The following SVOPL variants were observed in gnomAD, a reference collection of about 807,000 sequenced individuals.
The protein encoded by SVOPL is SVOP like, also known as putative transporter SVOPL.
Under a neutral mutation model 61.0 loss-of-function variants are expected in SVOPL, and 60 were observed. That is an observed-to-expected ratio of 0.98 (90% CI 0.80 to 1.22). The LOEUF is 1.22. SVOPL is among the 50% of genes most tolerant of loss of function. The pLI, the probability that SVOPL is intolerant of heterozygous loss-of-function variation, is 0.00. For missense variants in SVOPL, 662 were observed against 643.9 expected, an observed-to-expected ratio of 1.03 and a Z score of -0.30; for synonymous variants, 279 against 250.0, an observed-to-expected ratio of 1.12 and a Z score of -1.09.
At chr7:138,598,109 C>T (rs550952106) in intron 14 of SVOPL, among the ~76,000 whole-genome samples, 2 of 152,156 alleles carry the variant, frequency 1.3e-5, no homozygotes, top group South Asian at 4.2e-4. Context: ...TGAGTAATAC[C>T]TGATTATAAA....
chr7:138,680,831 G>A (rs1370302019), intron 1 of SVOPL, among the ~76,000 whole-genome samples: 1 of 152,016 alleles, frequency 6.6e-6, no homozygotes, highest in Non-Finnish European at 1.5e-5. Flanking sequence ...CGCCCGCATC[G>A]GCCTCCCAAA....
chr7:138,637,983 A>T (rs1800578968), intron 9 of SVOPL, among the ~76,000 whole-genome samples: 1 of 151,964 alleles, frequency 6.6e-6, no homozygotes. Context: ...ATAAAAAATA[A>T]AACAAATTGG....
chr7:138,607,919 AAATC>A (rs1798826541), intron 14 of SVOPL, among the ~76,000 whole-genome samples: 1 of 152,250 alleles, frequency 6.6e-6, no homozygotes, highest in Non-Finnish European at 1.5e-5. Flanking sequence ...GGTTGTTTAA[AAATC>A]AATATTAAAA....
chr7:138,628,560 C>G (rs1393958205), intron 10 of SVOPL, among the ~76,000 whole-genome samples, 197 bp from the exon 11 acceptor site: 1 of 152,174 alleles, frequency 6.6e-6, no homozygotes, highest in Non-Finnish European at 1.5e-5. Flanking sequence ...CGGGTGTAAA[C>G]CTAGGAGCAG....
At chr7:138,637,497 T>G (rs1482171302) in intron 9 of SVOPL, among the ~76,000 whole-genome samples, 12 of 21,304 alleles carry the variant, frequency 5.6e-4, no homozygotes, top group Non-Finnish European at 9.6e-4. Context: ...GATAGATATA[T>G]ATATATATAT....
chr7:138,614,851 CT>C (rs1195415874), intron 14 of SVOPL, among the ~76,000 whole-genome samples: 3 of 152,172 alleles, frequency 2.0e-5, no homozygotes, highest in Non-Finnish European at 4.4e-5. Context: ...ACTGACATCT[CT>C]TTGAGGAGAT....
chr7:138,639,147 T>TG (rs1426970272), intron 9 of SVOPL, among the ~76,000 whole-genome samples: 19 of 152,060 alleles, frequency 1.2e-4, no homozygotes, highest in African/African-American at 4.1e-4. Flanking sequence ...CCCAGCTACT[T>TG]GGGGGGCTGA....
chr7:138,660,236 G>A, intron 5 of SVOPL: 1 of 1,195,882 alleles, frequency 8.4e-7, no homozygotes, highest in Non-Finnish European at 1.0e-6. Context: ...CACCCTCATG[G>A]GTGGCAGGTC....
intron 13 of SVOPL, among the ~76,000 whole-genome samples, chr7:138,622,936 T>A (rs117025622): frequency 0.038 from 5,797 of 152,308 alleles, 139 homozygotes; most frequent in Middle Eastern, 0.11. Context: ...TCTCAAAATG[T>A]TGGAACATTT....
At chr7:138,694,218 T>A (rs1400893691) in intron 1 of SVOPL, among the ~76,000 whole-genome samples, 2 of 152,206 alleles carry the variant, frequency 1.3e-5, no homozygotes, top group Admixed American at 1.3e-4. Context: ...ACGATATAGG[T>A]GGGCATAAGG....
chr7:138,668,175 C>T (rs1174419496), intron 4 of SVOPL, among the ~76,000 whole-genome samples: 2 of 152,068 alleles, frequency 1.3e-5, no homozygotes, highest in African/African-American at 4.8e-5. Context: ...AGGAAAGCGT[C>T]AATTCCCTAC....
chr7:138,682,111 A>G (rs1228803668), intron 1 of SVOPL, among the ~76,000 whole-genome samples: 2 of 152,246 alleles, frequency 1.3e-5, no homozygotes, highest in African/African-American at 4.8e-5. Context: ...TTATTTGTGA[A>G]TAATAAAGCT....
intron 3 of SVOPL, among the ~76,000 whole-genome samples, chr7:138,673,473 A>G (rs561705344): frequency 3.9e-5 from 6 of 152,152 alleles, no homozygotes; most frequent in African/African-American, 1.2e-4. Flanking sequence ...CCTGGCCAAC[A>G]TGGCAAAACC....
At chr7:138,600,311 T>C (rs920928137) in intron 14 of SVOPL, among the ~76,000 whole-genome samples, 2 of 152,212 alleles carry the variant, frequency 1.3e-5, no homozygotes, top group African/African-American at 2.4e-5. Context: ...AAACTTGCTA[T>C]CCCTGGCCAG....
chr7:138,597,145 A>G (rs78993339), intron 14 of SVOPL: 1 of 1,285,996 alleles, frequency 7.8e-7, no homozygotes, highest in South Asian at 1.3e-5. Context: ...TAATTCAGAT[A>G]CTCCATCTCA....
chr7:138,680,688 C>T (rs932439635), intron 1 of SVOPL, among the ~76,000 whole-genome samples: 2 of 152,058 alleles, frequency 1.3e-5, no homozygotes, highest in Admixed American at 6.6e-5. Flanking sequence ...ATGCCATTCT[C>T]CTGCCTCAGC....
chr7:138,635,631 G>A (rs1252796273), intron 9 of SVOPL, among the ~76,000 whole-genome samples: 1 of 152,078 alleles, frequency 6.6e-6, no homozygotes, highest in Non-Finnish European at 1.5e-5. Context: ...TAAGGAGCTG[G>A]GATGTAGGCA....
In SVOPL at chr7:138,622,241, T is replaced by A. The variant is rs1484063948; in HGVS notation, c.1264-1106A>T. Reference sequence around the variant, plus strand: ...ATCTATGTATCTATCTATGTATCTATCTATCTATCTATGTATCTATCTATC... The same window carrying A: ...ATCTATGTATCTATCTATGTATCTAACTATCTATCTATGTATCTATCTATC... On this transcript the variant is annotated intron_variant, in intron 13 of 15. Transcript: ENST00000674285. 4.2e-4 allele frequency among the ~76,000 whole-genome samples: 56 copies of A among 133,038 alleles called. 3 individuals carry two copies. The highest frequency in any genetic ancestry group is 1.5e-3 in the African/African-American group (51 of 34,658). The allele number at this position is 133,038 out of a possible 152,430, so 87.3% of individuals were successfully genotyped here.
intron 6 of SVOPL, among the ~76,000 whole-genome samples, chr7:138,658,290 C>A (rs1284708430): frequency 3.3e-5 from 5 of 152,088 alleles, no homozygotes; most frequent in Admixed American, 1.3e-4. Context: ...CATATTCCCC[C>A]CCCTCCCTTT....
Sources: gnomAD v4.1 joint callset for allele counts (sites outside exome capture counted in the v4.1 genomes callset) on GRCh38, gnomAD v4.1.1 for gene constraint, MANE v1.5 for transcripts, NCBI Gene and HGNC (gene_info 2026-07-23, HGNC 2026-07-21) for gene names.